Variants in ARSB observed in about 807,000 individuals in gnomAD.
ARSB encodes arylsulfatase B, also known as N-acetylgalactosamine-4-sulfatase.
ARSB carries 41 observed loss-of-function variants against 50.9 expected under a neutral mutation model. That is an observed-to-expected ratio of 0.81 (90% CI 0.63 to 1.04). ARSB has a LOEUF of 1.04. Among genes scored for constraint, ARSB ranks in the 50% least tolerant of loss-of-function variants. The probability of loss-of-function intolerance (pLI) is 0.00; values close to 1 mark genes in which losing one functional copy is unlikely to be tolerated. For missense variants in ARSB, 672 were observed against 693.3 expected (o/e 0.97, Z 0.35); for synonymous variants, 269 against 284.8 (o/e 0.94, Z 0.56).
intron 2 of ARSB, 107 bp from the exon 3 acceptor site, chr5:78,964,713 T>C (rs1752134838): frequency 9.5e-7 from 1 of 1,050,350 alleles, no homozygotes; most frequent in Non-Finnish European, 1.4e-6. Flanking sequence ...GTGACGAGGC[T>C]AATCAAATGA....
At chr5:78,818,539 T>C (rs994184677) in intron 6 of ARSB, among the ~76,000 whole-genome samples, 5 of 152,056 alleles carry the variant, frequency 3.3e-5, no homozygotes, top group Admixed American at 6.5e-5. Flanking sequence ...ATTTCATTTC[T>C]TCTTTCAGAA....
chr5:78,962,915 T>G (rs1486291199), intron 3 of ARSB, among the ~76,000 whole-genome samples: 1 of 152,114 alleles, frequency 6.6e-6, no homozygotes, highest in Non-Finnish European at 1.5e-5. Context: ...AGGCAGAAAC[T>G]GGAAGGGGAA....
rs1748821270 is a variant in ARSB at position 78,778,094 on chromosome 5, T to G, written c.*2303A>C. The G allele has an allele frequency of 6.6e-6, 1 of 152,156 alleles. No homozygotes were observed. The highest frequency in any genetic ancestry group is 2.4e-5 in the African/African-American group (1 of 41,422). 9.4% of individuals were successfully genotyped at this position (152,156 alleles called of 1,614,324 possible). On this transcript the variant is annotated 3_prime_UTR_variant, in exon 8 of 8. Transcript: ENST00000264914. ...AAGGAACTAGAACTGGAGACAGCTG[T>G]TGGGAGGACAGCAGCGATAACAGAT...
At chr5:78,890,496 T>C (rs1043024808) in intron 4 of ARSB, among the ~76,000 whole-genome samples, 32 of 152,262 alleles carry the variant, frequency 2.1e-4, no homozygotes, top group African/African-American at 7.7e-4. Flanking sequence ...TTAAAACAGC[T>C]TTCCAATCAT....
At chr5:78,874,147 T>C (rs999315248) in intron 5 of ARSB, among the ~76,000 whole-genome samples, 45 of 152,216 alleles carry the variant, frequency 3.0e-4, no homozygotes, top group Admixed American at 1.3e-4. Context: ...TGTTCAATTA[T>C]CAAGGTTGTA....
intron 4 of ARSB, among the ~76,000 whole-genome samples, chr5:78,887,809 T>G (rs1748106219): frequency 6.6e-6 from 1 of 152,094 alleles, no homozygotes; most frequent in Non-Finnish European, 1.5e-5. Context: ...TAGTATAGAG[T>G]GGGCTCACAC....
intron 4 of ARSB, among the ~76,000 whole-genome samples, chr5:78,954,970 G>C (rs1375463580): frequency 6.6e-6 from 1 of 152,108 alleles, no homozygotes; most frequent in Non-Finnish European, 1.5e-5. Flanking sequence ...CTGGGTTGTA[G>C]AGAGAGCTGG....
intron 6 of ARSB, among the ~76,000 whole-genome samples, chr5:78,828,767 A>T (rs1212800931): frequency 7.9e-6 from 1 of 127,388 alleles, no homozygotes; most frequent in African/African-American, 3.2e-5. Context: ...TCCACGTCCC[A>T]ATCCCCAGGA....
At chr5:78,841,184 T>TAATAATAATAATAATAATAATAATAATAA (rs1554074368) in intron 5 of ARSB, among the ~76,000 whole-genome samples, 1 of 150,694 alleles carries the variant, frequency 6.6e-6, no homozygotes, top group African/African-American at 2.4e-5. Context: ...ATAATAATAA[T>TAATAATAATAATAATAATAATAATAATAA]TTGAGCATGG....
chr5:78,801,981 G>A (rs895726485), intron 6 of ARSB, among the ~76,000 whole-genome samples: 1 of 152,072 alleles, frequency 6.6e-6, no homozygotes, highest in Non-Finnish European at 1.5e-5. Flanking sequence ...TAACTAATCT[G>A]TCATTCTCCC....
intron 1 of ARSB, 132 bp downstream of exon 1, chr5:78,984,805 C>T: frequency 6.0e-6 from 4 of 666,332 alleles, no homozygotes; most frequent in Non-Finnish European, 8.1e-6. Context: ...GAGAAGCCGC[C>T]GGGACCCATA....
At chr5:78,941,210 T>A (rs924797522) in intron 4 of ARSB, among the ~76,000 whole-genome samples, 3 of 151,414 alleles carry the variant, frequency 2.0e-5, no homozygotes, top group Non-Finnish European at 4.4e-5. Context: ...TTTCTAGATA[T>A]ACAATCATGT....
intron 6 of ARSB, among the ~76,000 whole-genome samples, chr5:78,823,480 G>A (rs965991268): frequency 4.6e-5 from 7 of 152,118 alleles, no homozygotes; most frequent in Non-Finnish European, 7.4e-5. Context: ...TAGTACTTCC[G>A]CAAGATCAGA....
At chr5:78,857,853 G>T (rs1047907262) in intron 5 of ARSB, among the ~76,000 whole-genome samples, 4 of 152,164 alleles carry the variant, frequency 2.6e-5, no homozygotes, top group Non-Finnish European at 4.4e-5. Flanking sequence ...AACCAAACTA[G>T]TTATTTTGGG....
chr5:78,874,767 C>A (rs564070434), intron 5 of ARSB, among the ~76,000 whole-genome samples: 1 of 152,130 alleles, frequency 6.6e-6, no homozygotes, highest in Non-Finnish European at 1.5e-5. Flanking sequence ...TTCAATTACA[C>A]CTGATGTGGA....
At chr5:78,907,956 C>T (rs1749140893) in intron 4 of ARSB, among the ~76,000 whole-genome samples, 1 of 152,116 alleles carries the variant, frequency 6.6e-6, no homozygotes, top group South Asian at 2.1e-4. Flanking sequence ...TAATTAAAAG[C>T]AGGGGGAAGG....
At chr5:78,884,898 A>G (rs967176275) in intron 5 of ARSB, 6 of 152,274 alleles carry the variant, frequency 3.9e-5, no homozygotes, top group Non-Finnish European at 7.3e-5. Context: ...GAAAAAGACC[A>G]TCACGATTTC....
At chr5:78,812,842 T>G (rs1743865178) in intron 6 of ARSB, among the ~76,000 whole-genome samples, 1 of 151,804 alleles carries the variant, frequency 6.6e-6, no homozygotes, top group Non-Finnish European at 1.5e-5. Flanking sequence ...AATACAAAAA[T>G]TAACCGGGCA....
intron 5 of ARSB, among the ~76,000 whole-genome samples, chr5:78,863,245 T>C (rs998313019): frequency 2.6e-5 from 4 of 152,114 alleles, no homozygotes; most frequent in Non-Finnish European, 1.5e-5. Context: ...GACCCAGTGA[T>C]CCCATTACTG....
Sources: allele counts gnomAD v4.1 joint callset (sites outside exome capture counted in the v4.1 genomes callset), GRCh38; gene constraint gnomAD v4.1.1; transcripts MANE v1.5; gene names NCBI Gene and HGNC (gene_info 2026-07-23, HGNC 2026-07-21).